ROBO1: variants seen among roughly 807,000 people sequenced by gnomAD.
ROBO1 encodes roundabout homolog 1.
ROBO1 carries 149 observed loss-of-function variants against 195.9 expected under a neutral mutation model. The observed-to-expected ratio is 0.76, with a 90% CI of 0.67 to 0.87. The LOEUF is 0.87. Among genes scored for constraint, ROBO1 ranks in the 40% least tolerant of loss-of-function variants. ROBO1 has a pLI of 0.00. For synonymous variants in ROBO1, 816 were observed against 733.2 expected (o/e 1.11, Z -1.82); for missense variants, 1,933 against 2,068.3 (o/e 0.93, Z 1.27).
chr3:79,553,675 A>G (rs1443824291), intron 2 of ROBO1, among the ~76,000 whole-genome samples: 2 of 152,120 alleles, frequency 1.3e-5, no homozygotes, highest in Non-Finnish European at 2.9e-5. Context: ...TGGAAATTTT[A>G]TTAAATCCAA....
intron 2 of ROBO1, among the ~76,000 whole-genome samples, chr3:79,375,472 A>C (rs17016897): frequency 0.034 from 5,240 of 152,320 alleles, 200 homozygotes; most frequent in African/African-American, 0.098. Context: ...AGGCCCAGTA[A>C]GGAAAATATC....
chr3:79,081,145 G>A (rs2079266579), intron 3 of ROBO1, among the ~76,000 whole-genome samples: 1 of 151,824 alleles, frequency 6.6e-6, no homozygotes. Context: ...CCCTGTAATA[G>A]AGCTTTTAAA....
intron 3 of ROBO1, among the ~76,000 whole-genome samples, chr3:78,969,295 A>G (rs1329192415): frequency 1.3e-5 from 2 of 152,218 alleles, no homozygotes; most frequent in African/African-American, 4.8e-5. Context: ...AAATATTAAA[A>G]TCAGGTCCCT....
chr3:79,431,532 C>T (rs2038678089), intron 2 of ROBO1, among the ~76,000 whole-genome samples: 1 of 151,770 alleles, frequency 6.6e-6, no homozygotes, highest in Admixed American at 6.6e-5. Flanking sequence ...GCAGACTTTT[C>T]AAAAGAGAAT....
At chr3:79,665,952 T>C (rs1946464864) in intron 1 of ROBO1, among the ~76,000 whole-genome samples, 1 of 151,830 alleles carries the variant, frequency 6.6e-6, no homozygotes, top group Non-Finnish European at 1.5e-5. Context: ...CTGGTGTGTA[T>C]TTTAAACATC....
chr3:79,300,804 G>C (rs1244909847), intron 2 of ROBO1, among the ~76,000 whole-genome samples: 2 of 152,122 alleles, frequency 1.3e-5, no homozygotes, highest in African/African-American at 4.8e-5. Context: ...TCTAGCTCAG[G>C]GTTTGTGAAT....
chr3:78,712,443 G>A (rs1238552898), intron 8 of ROBO1, among the ~76,000 whole-genome samples: 1 of 151,962 alleles, frequency 6.6e-6, no homozygotes, highest in African/African-American at 2.4e-5. Context: ...GACGAAAAAA[G>A]GCATATCTTC....
At chr3:79,324,011 GTTT>G (rs747311720) in intron 2 of ROBO1, among the ~76,000 whole-genome samples, 65 of 149,712 alleles carry the variant, frequency 4.3e-4, no homozygotes, top group Non-Finnish European at 8.5e-4. Flanking sequence ...TCAAAAATAA[GTTT>G]TTTTTTTAAC....
At chr3:78,981,609 C>T (rs532401568) in intron 3 of ROBO1, among the ~76,000 whole-genome samples, 4 of 152,224 alleles carry the variant, frequency 2.6e-5, no homozygotes, top group South Asian at 2.1e-4. Context: ...AAACAACTCT[C>T]CCTTTTCCTC....
At chr3:79,619,143 T>C (rs1349539611) in intron 1 of ROBO1, among the ~76,000 whole-genome samples, 1 of 152,124 alleles carries the variant, frequency 6.6e-6, no homozygotes, top group Admixed American at 6.5e-5. Context: ...ATTCCATTGG[T>C]GTCTGGTCAC....
chr3:79,122,765 TA>T (rs1436993860), intron 3 of ROBO1, among the ~76,000 whole-genome samples: 37 of 151,968 alleles, frequency 2.4e-4, no homozygotes, highest in Non-Finnish European at 5.0e-4. Flanking sequence ...TAGGGGAATG[TA>T]AATGGGAATT....
intron 2 of ROBO1, among the ~76,000 whole-genome samples, chr3:79,168,178 G>A (rs2081101715): frequency 6.6e-6 from 1 of 152,106 alleles, no homozygotes; most frequent in Non-Finnish European, 1.5e-5. Context: ...GTGTGATTTG[G>A]CTAATTGCGT....
At chr3:79,214,438 C>A (rs528879656) in intron 2 of ROBO1, among the ~76,000 whole-genome samples, 1 of 152,012 alleles carries the variant, frequency 6.6e-6, no homozygotes, top group Non-Finnish European at 1.5e-5. Context: ...CCTTGCATGA[C>A]TTTGATCAAG....
chr3:79,453,403 T>C (rs1156609511), intron 2 of ROBO1, among the ~76,000 whole-genome samples: 1 of 152,122 alleles, frequency 6.6e-6, no homozygotes, highest in Non-Finnish European at 1.5e-5. Flanking sequence ...CAGTGGCTTT[T>C]AGACCACACA....
intron 2 of ROBO1, among the ~76,000 whole-genome samples, chr3:79,564,356 G>C (rs1943023477): frequency 6.6e-6 from 1 of 152,100 alleles, no homozygotes. Context: ...GCATGATACT[G>C]TACCTATTTT....
intron 8 of ROBO1, among the ~76,000 whole-genome samples, chr3:78,703,940 C>G (rs1459617697): frequency 1.3e-5 from 2 of 152,048 alleles, no homozygotes; most frequent in African/African-American, 4.8e-5. Context: ...CCCTAAAGAT[C>G]CAGTTTGCTA....
chr3:79,496,304 A>G, intron 2 of ROBO1, among the ~76,000 whole-genome samples: 1 of 149,456 alleles, frequency 6.7e-6, no homozygotes, highest in East Asian at 2.0e-4. Flanking sequence ...AGTAAAAACG[A>G]TAGTTTATCT....
At chr3:78,892,556 G>A (rs1338008851) in intron 4 of ROBO1, among the ~76,000 whole-genome samples, 5 of 152,188 alleles carry the variant, frequency 3.3e-5, no homozygotes, top group African/African-American at 4.8e-5. Flanking sequence ...AGCACAGTGA[G>A]TGTTAAGAGT....
chr3:78,609,358 C>A (rs1231847836), intron 28 of ROBO1, among the ~76,000 whole-genome samples: 1 of 152,068 alleles, frequency 6.6e-6, no homozygotes, highest in Non-Finnish European at 1.5e-5. Context: ...GTTTATAAAG[C>A]AGGGCTGTCA....
Sources: allele counts gnomAD v4.1 joint callset (sites outside exome capture counted in the v4.1 genomes callset), GRCh38; gene constraint gnomAD v4.1.1; transcripts MANE v1.5; gene names NCBI Gene and HGNC (gene_info 2026-07-23, HGNC 2026-07-21).